The following MOB3B variants were observed in gnomAD, a reference collection of about 807,000 sequenced individuals.
The protein encoded by MOB3B is MOB kinase activator 3B.
Under a neutral mutation model 18.7 loss-of-function variants are expected in MOB3B, and 7 were observed. The observed-to-expected ratio is 0.37, with a 90% CI of 0.21 to 0.70. The LOEUF (loss-of-function observed/expected upper bound fraction) is 0.70, where lower values mean the gene tolerates loss of function less well. Among genes scored for constraint, MOB3B ranks in the 30% least tolerant of loss-of-function variants. The pLI is 0.52. For missense variants in MOB3B, 253 were observed against 281.3 expected (o/e 0.90, Z 0.72); for synonymous variants, 111 against 99.9 (o/e 1.11, Z -0.66).
intron 1 of MOB3B, among the ~76,000 whole-genome samples, chr9:27,482,968 T>G (rs1471423664): frequency 6.6e-6 from 1 of 152,038 alleles, no homozygotes; most frequent in Non-Finnish European, 1.5e-5. Context: ...ACCTGTCTTA[T>G]CCACTGGAAA....
intron 2 of MOB3B, among the ~76,000 whole-genome samples, chr9:27,387,518 TAATATGTTAAA>T (rs1171194074): frequency 2.6e-5 from 4 of 152,236 alleles, no homozygotes; most frequent in African/African-American, 9.6e-5. Flanking sequence ...TTCAATAAGC[TAATATGTTAAA>T]AATATTTAGA....
chr9:27,475,649 T>A (rs989062389), intron 1 of MOB3B, among the ~76,000 whole-genome samples: 3 of 152,234 alleles, frequency 2.0e-5, no homozygotes, highest in Non-Finnish European at 4.4e-5. Context: ...ATGTGACTTT[T>A]AAAAAATGGC....
intron 2 of MOB3B, among the ~76,000 whole-genome samples, chr9:27,408,278 T>C (rs987499944): frequency 6.6e-6 from 1 of 152,206 alleles, no homozygotes; most frequent in African/African-American, 2.4e-5. Flanking sequence ...GTGGAGTTGA[T>C]GAAGCAGGGA....
intron 1 of MOB3B, among the ~76,000 whole-genome samples, chr9:27,474,012 T>C (rs1819514296): frequency 6.6e-6 from 1 of 152,196 alleles, no homozygotes; most frequent in South Asian, 2.1e-4. Flanking sequence ...AACCCAATCA[T>C]GCTGGTACCC....
At chr9:27,407,128 C>A (rs374956925) in intron 2 of MOB3B, among the ~76,000 whole-genome samples, 6 of 152,140 alleles carry the variant, frequency 3.9e-5, no homozygotes, top group Non-Finnish European at 7.4e-5. Flanking sequence ...TGAACTACCA[C>A]GCCCGGCCCA....
intron 1 of MOB3B, among the ~76,000 whole-genome samples, chr9:27,510,869 A>C: frequency 6.6e-6 from 1 of 152,234 alleles, no homozygotes; most frequent in East Asian, 1.9e-4. Context: ...AGTCTACTGC[A>C]GAGACCTTGG....
At chr9:27,345,479 G>T (rs1821019599) in intron 3 of MOB3B, among the ~76,000 whole-genome samples, 1 of 152,144 alleles carries the variant, frequency 6.6e-6, no homozygotes, top group Non-Finnish European at 1.5e-5. Context: ...CACCTAAAAT[G>T]CTAGAGTTCC....
chr9:27,454,614 AACAGC>A (rs1162278256), intron 2 of MOB3B, among the ~76,000 whole-genome samples: 1 of 152,192 alleles, frequency 6.6e-6, no homozygotes, highest in African/African-American at 2.4e-5. Context: ...GGTTAAAGTA[AACAGC>A]ACAGCCTGGA....
At chr9:27,493,300 T>C (rs1336258055) in intron 1 of MOB3B, among the ~76,000 whole-genome samples, 1 of 152,182 alleles carries the variant, frequency 6.6e-6, no homozygotes, top group Non-Finnish European at 1.5e-5. Flanking sequence ...ATTAATACTT[T>C]TATAATTTCT....
rs911239652 is a variant in MOB3B at position 27,372,496 on chromosome 9, G to GCCT, written c.419-13261_419-13260insAGG. Among the ~76,000 whole-genome samples the GCCT allele has an allele frequency of 2.7e-4, 41 of 152,242 alleles. 1 individual carries two copies. Among genetic ancestry groups the GCCT allele is most frequent in the African/African-American group, 9.4e-4 (39 of 41,538 alleles). ...AGTTGCTTCCAAAGAGTACAGTATA[G>GCCT]GTGGCTTTATAGTCAAGAAACCTGG... On this transcript the variant is annotated intron_variant, in intron 2 of 3. Transcript: ENST00000262244.
intron 2 of MOB3B, chr9:27,397,506 T>A (rs1166667682): frequency 1.3e-5 from 2 of 152,188 alleles, no homozygotes; most frequent in Non-Finnish European, 2.9e-5. Flanking sequence ...TATTTTGAAG[T>A]GTTCACTAAT....
chr9:27,337,907 G>A (rs1346801944), intron 3 of MOB3B, among the ~76,000 whole-genome samples: 2 of 152,112 alleles, frequency 1.3e-5, no homozygotes, highest in African/African-American at 4.8e-5. Flanking sequence ...TCTCTGAATC[G>A]TCCAGTTTGA....
At chr9:27,487,152 T>TAAATAAATAAAA (rs763941890) in intron 1 of MOB3B, among the ~76,000 whole-genome samples, 1 of 16,176 alleles carries the variant, frequency 6.2e-5, no homozygotes, top group African/African-American at 1.1e-4. Flanking sequence ...AATAAATAAA[T>TAAATAAATAAAA]AAAATAAATA....
At chr9:27,348,666 A>AG (rs1821064525) in intron 3 of MOB3B, among the ~76,000 whole-genome samples, 1 of 152,120 alleles carries the variant, frequency 6.6e-6, no homozygotes, top group African/African-American at 2.4e-5. Flanking sequence ...ATAAAAAAAA[A>AG]AAAAGAAAGA....
At chr9:27,434,896 G>A (rs1447751421) in intron 2 of MOB3B, among the ~76,000 whole-genome samples, 8 of 152,098 alleles carry the variant, frequency 5.3e-5, no homozygotes, top group Non-Finnish European at 1.0e-4. Flanking sequence ...GACTGTAGGA[G>A]AACATAATAC....
chr9:27,377,797 C>T (rs926747080), intron 2 of MOB3B, among the ~76,000 whole-genome samples: 1 of 152,166 alleles, frequency 6.6e-6, no homozygotes, highest in Non-Finnish European at 1.5e-5. Flanking sequence ...ATTCAAATTC[C>T]GTTTGACATT....
intron 2 of MOB3B, among the ~76,000 whole-genome samples, chr9:27,433,387 TGA>T (rs1822445669): frequency 6.6e-6 from 1 of 152,158 alleles, no homozygotes; most frequent in Admixed American, 6.6e-5. Context: ...GATTTTAAAC[TGA>T]GAAGCAGCCA....
At chr9:27,524,598 T>C in intron 1 of MOB3B, 1 of 1,614,146 alleles carries the variant, frequency 6.2e-7, no homozygotes, top group Non-Finnish European at 8.5e-7. Context: ...GAAGGCCTTC[T>C]ATGAAATGTC....
intron 2 of MOB3B, among the ~76,000 whole-genome samples, chr9:27,434,994 T>A (rs911026564): frequency 5.9e-5 from 9 of 152,046 alleles, no homozygotes; most frequent in African/African-American, 2.2e-4. Context: ...CTCTGAAAAG[T>A]CACTCTTGTA....
Sources: allele counts gnomAD v4.1 joint callset (sites outside exome capture counted in the v4.1 genomes callset), GRCh38; gene constraint gnomAD v4.1.1; transcripts MANE v1.5; gene names NCBI Gene and HGNC (gene_info 2026-07-23, HGNC 2026-07-21).